Variants in CSMD1 observed in about 807,000 individuals in gnomAD.
CSMD1 encodes CUB and Sushi multiple domains 1, also known as CUB and sushi domain-containing protein 1.
Under a neutral mutation model 417.5 loss-of-function variants are expected in CSMD1, and 213 were observed. The observed-to-expected ratio is 0.51, with a 90% confidence interval of 0.46 to 0.57. The LOEUF (loss-of-function observed/expected upper bound fraction) is 0.57, where lower values mean the gene tolerates loss of function less well. Ranked by LOEUF, CSMD1 falls within the 20% of genes least tolerant of loss-of-function variation. The pLI is 0.00. For synonymous variants in CSMD1, 2,862 were observed against 1,736.8 expected, an observed-to-expected ratio of 1.65 and a Z score of -16.11; for missense variants, 6,923 against 4,529.7, an observed-to-expected ratio of 1.53 and a Z score of -15.17.
intron 5 of CSMD1, among the ~76,000 whole-genome samples, chr8:3,802,829 G>A (rs948905479): frequency 6.6e-6 from 1 of 152,154 alleles, no homozygotes; most frequent in Non-Finnish European, 1.5e-5. Context: ...TCCATCAAGT[G>A]AAGGGCACTT....
intron 3 of CSMD1, among the ~76,000 whole-genome samples, chr8:4,312,451 G>A (rs144296072): frequency 0.014 from 1,501 of 107,560 alleles, 98 homozygotes; most frequent in Middle Eastern, 0.034. Flanking sequence ...ATATATATAC[G>A]TATATATATG....
At chr8:4,452,613 T>A (rs1461923368) in intron 2 of CSMD1, among the ~76,000 whole-genome samples, 1 of 152,180 alleles carries the variant, frequency 6.6e-6, no homozygotes, top group Non-Finnish European at 1.5e-5. Context: ...AGATAATAGT[T>A]TTTATGTGAA....
intron 5 of CSMD1, among the ~76,000 whole-genome samples, chr8:3,916,547 T>A (rs1477139489): frequency 6.6e-6 from 1 of 152,186 alleles, no homozygotes; most frequent in African/African-American, 2.4e-5. Context: ...ACATTTAGTA[T>A]CCGATTATGT....
At chr8:3,033,742 T>TACAGATTCCCA (rs1259621788) in intron 50 of CSMD1, among the ~76,000 whole-genome samples, 2 of 152,196 alleles carry the variant, frequency 1.3e-5, no homozygotes, top group East Asian at 3.8e-4. Flanking sequence ...GTTCTGCACA[T>TACAGATTCCCA]GATTCCCAGA....
intron 3 of CSMD1, among the ~76,000 whole-genome samples, chr8:4,336,528 G>C (rs1452379174): frequency 9.2e-5 from 14 of 152,150 alleles, no homozygotes; most frequent in Admixed American, 8.5e-4. Context: ...TAACGTGTTC[G>C]ATGAATGTCA....
At chr8:4,223,552 G>C (rs915115345) in intron 3 of CSMD1, among the ~76,000 whole-genome samples, 1 of 152,226 alleles carries the variant, frequency 6.6e-6, no homozygotes, top group East Asian at 1.9e-4. Flanking sequence ...AGGAGAGCTG[G>C]CCTGCAAGGC....
chr8:4,458,674 A>T (rs1430724750), intron 2 of CSMD1, among the ~76,000 whole-genome samples: 2 of 152,370 alleles, frequency 1.3e-5, no homozygotes, highest in East Asian at 3.9e-4. Context: ...CTTGTCTGAA[A>T]CTAACCAAAA....
At chr8:3,845,761 C>G (rs1803463225) in intron 5 of CSMD1, among the ~76,000 whole-genome samples, 1 of 152,092 alleles carries the variant, frequency 6.6e-6, no homozygotes, top group Non-Finnish European at 1.5e-5. Context: ...TAGCTCAGAA[C>G]ATACTTTGTA....
chr8:4,783,764 G>C (rs1429130889), intron 1 of CSMD1, among the ~76,000 whole-genome samples: 1 of 152,162 alleles, frequency 6.6e-6, no homozygotes, highest in Non-Finnish European at 1.5e-5. Flanking sequence ...AGGTCATCCA[G>C]CTGGTGATGC....
chr8:4,492,049 A>G (rs1801730303), intron 2 of CSMD1, among the ~76,000 whole-genome samples: 1 of 152,172 alleles, frequency 6.6e-6, no homozygotes, highest in African/African-American at 2.4e-5. Context: ...AAAGAAAAAA[A>G]AAGAAACGAC....
intron 6 of CSMD1, among the ~76,000 whole-genome samples, chr8:3,723,518 T>C (rs926034180): frequency 2.6e-5 from 4 of 152,212 alleles, no homozygotes; most frequent in South Asian, 2.1e-4. Context: ...GTTGGGCATT[T>C]AGTCATATTT....
At chr8:4,280,168 G>C (rs1796701534) in intron 3 of CSMD1, among the ~76,000 whole-genome samples, 1 of 152,176 alleles carries the variant, frequency 6.6e-6, no homozygotes, top group African/African-American at 2.4e-5. Context: ...ACGCTTAAAA[G>C]AAGATTTTAC....
At chr8:4,989,157 T>C (rs2117469919) in intron 1 of CSMD1, among the ~76,000 whole-genome samples, 1 of 152,344 alleles carries the variant, frequency 6.6e-6, no homozygotes, top group East Asian at 1.9e-4. Context: ...AATGATCATG[T>C]AATTGAAGGC....
At chr8:4,957,143 G>A (rs574604146) in intron 1 of CSMD1, among the ~76,000 whole-genome samples, 24 of 152,276 alleles carry the variant, frequency 1.6e-4, no homozygotes, top group African/African-American at 5.1e-4. Context: ...ATGAAATCTG[G>A]CAATTAGGTA....
chr8:4,910,033 T>C (rs760348785), intron 1 of CSMD1, among the ~76,000 whole-genome samples: 4 of 152,256 alleles, frequency 2.6e-5, no homozygotes, highest in Non-Finnish European at 5.9e-5. Flanking sequence ...GAATAACCAA[T>C]AGCATGTCAG....
chr8:4,114,674 T>C (rs760264554), intron 3 of CSMD1, among the ~76,000 whole-genome samples: 65 of 152,284 alleles, frequency 4.3e-4, no homozygotes, highest in Non-Finnish European at 6.9e-4. Flanking sequence ...TAAGAAAAAT[T>C]GTGCTTCATG....
At chr8:4,970,558 T>C (rs980999650) in intron 1 of CSMD1, among the ~76,000 whole-genome samples, 64 of 152,108 alleles carry the variant, frequency 4.2e-4, no homozygotes, top group African/African-American at 1.5e-3. Context: ...CAACAGGTGG[T>C]ATGAACAATA....
intron 36 of CSMD1, among the ~76,000 whole-genome samples, chr8:3,185,686 T>A (rs988566996): frequency 6.6e-6 from 1 of 152,230 alleles, no homozygotes; most frequent in Non-Finnish European, 1.5e-5. Context: ...CAAATATATG[T>A]GAATGATAAG....
At chr8:4,826,904 A>T (rs986121004) in intron 1 of CSMD1, among the ~76,000 whole-genome samples, 1 of 152,160 alleles carries the variant, frequency 6.6e-6, no homozygotes, top group Non-Finnish European at 1.5e-5. Context: ...TTGCCTCAAA[A>T]TCTGAGCACT....
Sources: gnomAD v4.1 joint callset for allele counts (sites outside exome capture counted in the v4.1 genomes callset) on GRCh38, gnomAD v4.1.1 for gene constraint, MANE v1.5 for transcripts, NCBI Gene and HGNC (gene_info 2026-07-23, HGNC 2026-07-21) for gene names.